Variants in ZNF804B observed in about 807,000 individuals in gnomAD.
ZNF804B encodes zinc finger protein 804B, also known as zinc finger 804B.
ZNF804B carries 80 observed loss-of-function variants against 101.4 expected under a neutral mutation model. The ratio of observed to expected loss-of-function variants is 0.79; its 90% CI spans 0.66 to 0.95. The LOEUF (loss-of-function observed/expected upper bound fraction) is 0.95. ZNF804B is among the 40% of genes least tolerant of loss of function. The pLI is 0.00. For synonymous variants in ZNF804B, 622 were observed against 558.8 expected (o/e 1.11, Z -1.59); for missense variants, 1,673 against 1,561.9 (o/e 1.07, Z -1.20).
intron 1 of ZNF804B, among the ~76,000 whole-genome samples, chr7:89,156,386 A>AT (rs1377444361): frequency 6.6e-6 from 1 of 152,130 alleles, no homozygotes; most frequent in African/African-American, 2.4e-5. Context: ...AAGTGCTGGG[A>AT]TTACAGGCCT....
chr7:89,123,856 G>T (rs2116369737), intron 1 of ZNF804B, among the ~76,000 whole-genome samples: 1 of 152,210 alleles, frequency 6.6e-6, no homozygotes, highest in South Asian at 2.1e-4. Context: ...TATTTGTAAG[G>T]ATTTATAAGA....
At chr7:89,012,821 C>T (rs1034178954) in intron 1 of ZNF804B, among the ~76,000 whole-genome samples, 1 of 152,182 alleles carries the variant, frequency 6.6e-6, no homozygotes, top group African/African-American at 2.4e-5. Flanking sequence ...CCACTACTCC[C>T]AGTACCAATT....
intron 1 of ZNF804B, among the ~76,000 whole-genome samples, chr7:88,893,152 A>G (rs1792237092): frequency 6.6e-6 from 1 of 152,110 alleles, no homozygotes; most frequent in Non-Finnish European, 1.5e-5. Flanking sequence ...ATCAAAAGAT[A>G]CCTCCAGGGT....
chr7:88,820,058 A>G (rs751936488), intron 1 of ZNF804B, among the ~76,000 whole-genome samples: 2 of 152,210 alleles, frequency 1.3e-5, no homozygotes, highest in Non-Finnish European at 2.9e-5. Context: ...TGAAAGGACA[A>G]GATAATAAAT....
intron 1 of ZNF804B, among the ~76,000 whole-genome samples, chr7:88,922,010 A>C (rs1792727044): frequency 1.3e-5 from 2 of 152,080 alleles, no homozygotes; most frequent in African/African-American, 4.8e-5. Context: ...TTATTTCAGA[A>C]TACATGCTTA....
chr7:88,946,955 C>A (rs1365550805), intron 1 of ZNF804B, among the ~76,000 whole-genome samples: 1 of 151,818 alleles, frequency 6.6e-6, no homozygotes. Context: ...CAAATCAAAA[C>A]CATAATGAGA....
rs147587508 is a variant in ZNF804B, at chr7:89,300,639, T to C, written c.250-26705T>C. Among the ~76,000 whole-genome samples the C allele has an allele frequency of 7.2e-5, 11 of 151,860 alleles. No individual in the cohort carries two copies. The East Asian group carries it at 2.1e-3, about 29-fold the overall frequency. On this transcript the variant is annotated intron_variant, in intron 2 of 3. Coordinates refer to ENST00000333190, the MANE Select transcript of ZNF804B (RefSeq NM_181646.5). ...AAAAAGTCAGCATAGCTGGAGAGCA[T>C]TGGAATGGAGAGAGAGGCAGAGTAG...
intron 2 of ZNF804B, among the ~76,000 whole-genome samples, chr7:89,255,949 C>T (rs1362803873): frequency 6.6e-6 from 1 of 151,898 alleles, no homozygotes; most frequent in Non-Finnish European, 1.5e-5. Context: ...AAGCTTAATA[C>T]TAATTAGCAA....
Position 89,100,750 on chromosome 7 carries a change from A to G in ZNF804B, c.109-117405A>G, listed in dbSNP as rs147465701. ...TTGTCACCCATAAAGAGATATGAAT[A>G]TGTTCTATTTTAATCATTTTTCTTC... On this transcript the variant is annotated intron_variant, in intron 1 of 3. Transcript: ENST00000333190. Among the ~76,000 whole-genome samples the G allele has an allele frequency of 5.4e-3, 818 of 152,212 alleles. 10 individuals carry two copies. The highest frequency in any genetic ancestry group is 0.019 in the African/African-American group (773 of 41,558).
intron 1 of ZNF804B, among the ~76,000 whole-genome samples, chr7:89,160,641 G>A (rs1177818337): frequency 1.3e-5 from 2 of 152,122 alleles, no homozygotes; most frequent in African/African-American, 4.8e-5. Flanking sequence ...GTAAGACACT[G>A]ATAAGGAAAA....
chr7:89,195,661 T>G (rs547124697), intron 1 of ZNF804B, among the ~76,000 whole-genome samples: 1 of 151,264 alleles, frequency 6.6e-6, no homozygotes, highest in East Asian at 2.0e-4. Flanking sequence ...CAAGGAGAAC[T>G]ACAAACCAAA....
chr7:88,867,633 T>C (rs567380247), intron 1 of ZNF804B, among the ~76,000 whole-genome samples: 124 of 152,338 alleles, frequency 8.1e-4, no homozygotes, highest in Middle Eastern at 3.4e-3. Flanking sequence ...GTTTTCTTGG[T>C]ATCCCCTAAT....
chr7:89,003,030 CTT>C (rs66529311), intron 1 of ZNF804B, among the ~76,000 whole-genome samples: 60 of 147,074 alleles, frequency 4.1e-4, no homozygotes, highest in South Asian at 8.6e-4. Flanking sequence ...CAGCTATATA[CTT>C]TTTTTTTTTT....
intron 1 of ZNF804B, among the ~76,000 whole-genome samples, chr7:89,129,199 C>G (rs1377005273): frequency 6.6e-6 from 1 of 151,996 alleles, no homozygotes; most frequent in African/African-American, 2.4e-5. Context: ...GTGCCCCCTC[C>G]TCCATGAATG....
In ZNF804B at chr7:88,922,615, A is replaced by G. The variant is rs937321138; in HGVS notation, c.108+162531A>G. ...CTAAAAGCTAATTACAGATACATAT[A>G]TATATATATATACACACACACTTTT... is the stretch of plus-strand genomic sequence containing the variant. On this transcript the variant is annotated intron_variant, in intron 1 of 3. Coordinates refer to ENST00000333190, the MANE Select transcript of ZNF804B (RefSeq NM_181646.5). Among the ~76,000 whole-genome samples, 3 of 135,352 alleles carry G rather than the reference A, an allele frequency of 2.2e-5. No individual in the cohort carries two copies. The East Asian group carries it at 7.2e-4, about 32-fold the overall frequency. The allele number at this position is 135,352 out of a possible 152,430, so 88.8% of individuals were successfully genotyped here.
chr7:88,902,283 T>C (rs1584006707), intron 1 of ZNF804B, among the ~76,000 whole-genome samples: 1 of 152,032 alleles, frequency 6.6e-6, no homozygotes, highest in East Asian at 1.9e-4. Context: ...TTCATAGTTG[T>C]CTTATGCATA....
chr7:89,215,955 C>A (rs1440962781), intron 1 of ZNF804B, among the ~76,000 whole-genome samples: 3 of 151,096 alleles, frequency 2.0e-5, no homozygotes, highest in Non-Finnish European at 4.4e-5. Context: ...ACAAAGGAAT[C>A]CCTAGTTTCA....
chr7:89,213,504 A>C (rs369152313), intron 1 of ZNF804B, among the ~76,000 whole-genome samples: 1 of 152,200 alleles, frequency 6.6e-6, no homozygotes, highest in Non-Finnish European at 1.5e-5. Flanking sequence ...GCACATATTC[A>C]CAACCAATGC....
chr7:89,249,019 C>T (rs1225606121), intron 2 of ZNF804B, among the ~76,000 whole-genome samples: 1 of 123,556 alleles, frequency 8.1e-6, no homozygotes, highest in Admixed American at 8.3e-5. Context: ...AGATTTTAAA[C>T]CAATAACAGT....
Sources: allele counts gnomAD v4.1 joint callset (sites outside exome capture counted in the v4.1 genomes callset), GRCh38; gene constraint gnomAD v4.1.1; transcripts MANE v1.5; gene names NCBI Gene and HGNC (gene_info 2026-07-23, HGNC 2026-07-21).